DENND1A: variants seen among roughly 807,000 people sequenced by gnomAD.
The protein encoded by DENND1A is DENN domain containing 1A, also known as DENN domain-containing protein 1A.
Under a neutral mutation model 113.7 loss-of-function variants are expected in DENND1A, and 51 were observed. The ratio of observed to expected loss-of-function variants is 0.45; its 90% CI spans 0.36 to 0.57. DENND1A has a LOEUF of 0.57. Among genes scored for constraint, DENND1A ranks in the 20% least tolerant of loss-of-function variants. The pLI, the probability that DENND1A is intolerant of heterozygous loss-of-function variation, is 0.00. For missense variants in DENND1A, 1,258 were observed against 1,395.9 expected (o/e 0.90, Z 1.57); for synonymous variants, 565 against 570.8 (o/e 0.99, Z 0.14).
intron 5 of DENND1A, among the ~76,000 whole-genome samples, chr9:123,730,371 C>T (rs1485174213): frequency 2.0e-5 from 3 of 151,752 alleles, no homozygotes; most frequent in East Asian, 3.9e-4. Context: ...TGACAAAGGG[C>T]TAATATCCAG....
At chr9:123,700,760 G>C (rs1224109256) in intron 5 of DENND1A, among the ~76,000 whole-genome samples, 1 of 152,050 alleles carries the variant, frequency 6.6e-6, no homozygotes, top group Admixed American at 6.5e-5. Flanking sequence ...CAAATAATTA[G>C]GTACCATAGC....
chr9:123,548,405 C>T (rs902294721), intron 13 of DENND1A, among the ~76,000 whole-genome samples: 1 of 152,202 alleles, frequency 6.6e-6, no homozygotes, highest in Non-Finnish European at 1.5e-5. Flanking sequence ...ACAAATGTTT[C>T]ATGAACTTTT....
chr9:123,417,364 G>A (rs573112881), intron 19 of DENND1A, among the ~76,000 whole-genome samples: 6 of 152,316 alleles, frequency 3.9e-5, no homozygotes, highest in African/African-American at 1.4e-4. Context: ...TATATGATGT[G>A]TTTTCCTTTC....
chr9:123,821,117 A>G (rs910678582), intron 2 of DENND1A, among the ~76,000 whole-genome samples: 2 of 152,240 alleles, frequency 1.3e-5, no homozygotes, highest in South Asian at 2.1e-4. Context: ...AAATTCTTCC[A>G]TGAATATTGT....
At chr9:123,781,833 G>A (rs1831366557) in intron 3 of DENND1A, among the ~76,000 whole-genome samples, 1 of 152,134 alleles carries the variant, frequency 6.6e-6, no homozygotes, top group Non-Finnish European at 1.5e-5. Flanking sequence ...ACTTTGGGAG[G>A]CCAAGGTGGG....
At chr9:123,500,704 T>A (rs570401539) in intron 13 of DENND1A, among the ~76,000 whole-genome samples, 40 of 152,228 alleles carry the variant, frequency 2.6e-4, no homozygotes, top group Non-Finnish European at 5.1e-4. Flanking sequence ...TCACTCATGT[T>A]TCTAGCTCAG....
At chr9:123,903,563 GC>G (rs1437454549) in intron 1 of DENND1A, among the ~76,000 whole-genome samples, 1 of 152,166 alleles carries the variant, frequency 6.6e-6, no homozygotes, top group Non-Finnish European at 1.5e-5. Context: ...CACTTGGGAA[GC>G]GCAAGGGGTC....
chr9:123,560,671 CAG>C (rs1178782592), intron 12 of DENND1A, among the ~76,000 whole-genome samples: 1 of 139,162 alleles, frequency 7.2e-6, no homozygotes, highest in Non-Finnish European at 1.5e-5. Flanking sequence ...GCCTGGGTGA[CAG>C]AGTGAGACCC....
At chr9:123,753,307 T>A (rs1210998105) in intron 5 of DENND1A, among the ~76,000 whole-genome samples, 1 of 152,192 alleles carries the variant, frequency 6.6e-6, no homozygotes, top group Non-Finnish European at 1.5e-5. Flanking sequence ...ATGGAGCTCA[T>A]GCCCTAGTGG....
At chr9:123,902,176 C>CAT (rs1851763383) in intron 1 of DENND1A, among the ~76,000 whole-genome samples, 1 of 91,116 alleles carries the variant, frequency 1.1e-5, no homozygotes, top group Non-Finnish European at 2.1e-5. Flanking sequence ...CACACACATA[C>CAT]ACACACACAC....
intron 3 of DENND1A, among the ~76,000 whole-genome samples, chr9:123,770,558 C>T (rs552175021): frequency 2.6e-5 from 4 of 152,200 alleles, no homozygotes; most frequent in Non-Finnish European, 5.9e-5. Flanking sequence ...TAACTTCAGA[C>T]TTGGACAGCC....
intron 2 of DENND1A, among the ~76,000 whole-genome samples, chr9:123,796,756 T>TACACACACAC (rs370185315): frequency 0.05 from 7,041 of 141,488 alleles, 171 homozygotes; most frequent in South Asian, 0.057. Context: ...TATGTGTACA[T>TACACACACAC]ACACACACAC....
At chr9:123,844,555 G>GA (rs1298929440) in intron 2 of DENND1A, among the ~76,000 whole-genome samples, 2 of 151,874 alleles carry the variant, frequency 1.3e-5, no homozygotes, top group Non-Finnish European at 2.9e-5. Flanking sequence ...ACATTATGGG[G>GA]AAAAAAACCC....
intron 1 of DENND1A, among the ~76,000 whole-genome samples, chr9:123,904,678 G>A (rs1852420093): frequency 6.6e-6 from 1 of 150,698 alleles, no homozygotes; most frequent in Non-Finnish European, 1.5e-5. Flanking sequence ...AAAAAGAAAT[G>A]AGCAAAGCCT....
chr9:123,554,563 G>C (rs1308453814), intron 13 of DENND1A, among the ~76,000 whole-genome samples: 1 of 152,212 alleles, frequency 6.6e-6, no homozygotes, highest in Non-Finnish European at 1.5e-5. Flanking sequence ...GTGACATGGT[G>C]ATGACCACGA....
intron 1 of DENND1A, among the ~76,000 whole-genome samples, chr9:123,881,038 T>A (rs946409917): frequency 6.6e-6 from 1 of 152,112 alleles, no homozygotes; most frequent in Non-Finnish European, 1.5e-5. Context: ...TCGTCATTTC[T>A]CCCCCAGAGA....
intron 8 of DENND1A, among the ~76,000 whole-genome samples, chr9:123,653,566 G>T (rs1564890762): frequency 6.6e-6 from 1 of 152,180 alleles, no homozygotes; most frequent in Non-Finnish European, 1.5e-5. Context: ...CCTCTACGAA[G>T]ATGAGAAAAC....
At chr9:123,387,404 TG>T (rs1285331193) in intron 22 of DENND1A, among the ~76,000 whole-genome samples, 1 of 152,222 alleles carries the variant, frequency 6.6e-6, no homozygotes, top group African/African-American at 2.4e-5. Flanking sequence ...AAGAAGGACT[TG>T]GAGATCAACA....
intron 11 of DENND1A, among the ~76,000 whole-genome samples, chr9:123,587,250 CAT>C (rs1349928929): frequency 6.6e-6 from 1 of 152,056 alleles, no homozygotes; most frequent in Non-Finnish European, 1.5e-5. Flanking sequence ...AAGTACAGAG[CAT>C]AACTGAGTGG....
Sources: allele counts gnomAD v4.1 joint callset (sites outside exome capture counted in the v4.1 genomes callset), GRCh38; gene constraint gnomAD v4.1.1; transcripts MANE v1.5; gene names NCBI Gene and HGNC (gene_info 2026-07-23, HGNC 2026-07-21).